The following ANGPT2 variants were observed in gnomAD, a reference collection of about 807,000 sequenced individuals.
The protein encoded by ANGPT2 is angiopoietin 2.
A neutral mutation model predicts 62.9 loss-of-function variants in ANGPT2; 28 were observed. The ratio of observed to expected loss-of-function variants is 0.44; its 90% CI spans 0.33 to 0.61. ANGPT2 has a LOEUF of 0.61. ANGPT2 is among the 20% of genes least tolerant of loss of function. ANGPT2 has a pLI of 0.03. For synonymous variants in ANGPT2, 284 were observed against 207.8 expected, an observed-to-expected ratio of 1.37 and a Z score of -3.15; for missense variants, 727 against 594.9, an observed-to-expected ratio of 1.22 and a Z score of -2.31.
In ANGPT2 at chr8:6,500,395, A is replaced by G. The variant is rs1188426347; in HGVS notation, c.*2706T>C. ...AAGTTCTGGGTTCTAATTTTTTTTAAGATTAAGTAATAATTAAGTGGATAA... is the reference window on the plus strand; with the variant it reads ...AAGTTCTGGGTTCTAATTTTTTTTAGGATTAAGTAATAATTAAGTGGATAA... On this transcript the variant is annotated 3_prime_UTR_variant, in exon 9 of 9. Coordinates refer to ENST00000629816, the MANE Select transcript of ANGPT2 (RefSeq NM_001118887.2). The G allele has an allele frequency of 2.5e-5, 4 of 157,980 alleles. No homozygotes were observed. Among genetic ancestry groups the G allele is most frequent in the Non-Finnish European group, 5.6e-5 (4 of 71,436 alleles). The allele number at this position is 157,980 out of a possible 1,614,324, so 9.8% of individuals were successfully genotyped here. A position where few individuals can be genotyped will look rare whatever the true frequency, so the allele number is the denominator to read the frequency against.
At chr8:6,505,824 T>C (rs2129564633) in intron 8 of ANGPT2, among the ~76,000 whole-genome samples, 1 of 140,350 alleles carries the variant, frequency 7.1e-6, no homozygotes, top group Admixed American at 7.3e-5. Context: ...TATATGTATA[T>C]ATAAAAACAT....
chr8:6,543,977 A>G (rs1192160692), intron 1 of ANGPT2, among the ~76,000 whole-genome samples: 3 of 152,214 alleles, frequency 2.0e-5, no homozygotes, highest in Non-Finnish European at 2.9e-5. Context: ...GTTGCAATAT[A>G]TTTTAAGCAT....
At chr8:6,553,661 C>CA (rs1281801045) in intron 1 of ANGPT2, among the ~76,000 whole-genome samples, 2 of 144,864 alleles carry the variant, frequency 1.4e-5, no homozygotes, top group African/African-American at 5.7e-5. Flanking sequence ...GAAATGGTCT[C>CA]AAAATTTTTT....
intron 3 of ANGPT2, among the ~76,000 whole-genome samples, chr8:6,522,923 C>G (rs985658470): frequency 1.3e-5 from 2 of 152,122 alleles, no homozygotes; most frequent in African/African-American, 4.8e-5. Context: ...CATTCCTTCT[C>G]TAAAAAATCT....
In ANGPT2 at chr8:6,501,239, C is replaced by G. The variant is rs994093921; in HGVS notation, c.*1862G>C. The G allele has an allele frequency of 6.6e-6, 1 of 152,084 alleles. No individual in the cohort carries two copies. Among genetic ancestry groups the G allele is most frequent in the Non-Finnish European group, 1.5e-5 (1 of 68,016 alleles). 9.4% of individuals were successfully genotyped at this position (152,084 alleles called of 1,614,324 possible). ...GTAGCAACACCTGTGTGTTCTAAAA[C>G]TACGTCAAGTGGTGGGGAGAAGTTG... On this transcript the variant is annotated 3_prime_UTR_variant, in exon 9 of 9. Coordinates refer to ENST00000629816, the MANE Select transcript of ANGPT2 (RefSeq NM_001118887.2).
In ANGPT2 at chr8:6,527,654, A is replaced by T. The variant is rs1214452116; in HGVS notation, c.467T>A (p.Leu156His). The stretch of plus-strand genomic sequence containing the variant: ...GGAGTGTTCCAAGAGCTGAAGTTCA[A>T]GTCTCGTGGTCTGATTTAATACCTA... ...EAQVLNQTTR[L>H]ELQLLEHSLS... Residue 156 changes from leucine to histidine, a missense_variant, in exon 3 of 9, where the codon CTT (leucine) becomes CAT (histidine). Transcript: ENST00000629816. 6.2e-7 allele frequency: 1 copy of T among 1,613,896 alleles called. No individual in the cohort carries two copies. The highest frequency in any genetic ancestry group is 1.1e-5 in the South Asian group (1 of 91,074).
chr8:6,536,734 G>A (rs1264272019), intron 1 of ANGPT2, among the ~76,000 whole-genome samples: 12 of 152,094 alleles, frequency 7.9e-5, no homozygotes, highest in Non-Finnish European at 2.9e-5. Flanking sequence ...ACGTATCAAG[G>A]ATAATGAGAA....
chr8:6,505,271 T>TA (rs1460837019), intron 8 of ANGPT2, among the ~76,000 whole-genome samples: 4,571 of 33,594 alleles, frequency 0.14, 899 homozygotes, highest in East Asian at 0.35. Context: ...TTTATATATA[T>TA]GTATACATAT....
intron 4 of ANGPT2, among the ~76,000 whole-genome samples, chr8:6,520,783 C>G (rs776311590): frequency 7.2e-5 from 11 of 152,204 alleles, no homozygotes; most frequent in Non-Finnish European, 7.3e-5. Flanking sequence ...GATAAGGGAA[C>G]TAGCATCTCT....
Position 6,541,621 on chromosome 8 carries a change from C to G in ANGPT2, c.289-9134G>C, listed in dbSNP as rs553543556. Among the ~76,000 whole-genome samples the G allele has an allele frequency of 5.9e-5, 9 of 152,264 alleles. No individual in the cohort carries two copies. In the East Asian group the frequency reaches 1.7e-3, roughly 29 times the overall value. On this transcript the variant is annotated intron_variant, in intron 1 of 8. Coordinates refer to ENST00000629816, the MANE Select transcript of ANGPT2 (RefSeq NM_001118887.2). ...TGCCATTCGTCTATTTTTTGGGATA[C>G]TTTGTTAAATTCTCAGCTTAGAAGA...
At chr8:6,533,260 G>T (rs1177777867) in intron 1 of ANGPT2, among the ~76,000 whole-genome samples, 5 of 152,214 alleles carry the variant, frequency 3.3e-5, no homozygotes, top group African/African-American at 1.2e-4. Flanking sequence ...TGAAACACAA[G>T]AGAAGGAAGA....
intron 7 of ANGPT2, among the ~76,000 whole-genome samples, chr8:6,509,462 G>A (rs1039027582): frequency 3.9e-5 from 6 of 152,276 alleles, no homozygotes; most frequent in East Asian, 1.9e-4. Flanking sequence ...ATTATTTTCC[G>A]CAGGGGGCCC....
chr8:6,548,503 C>T (rs1326691684), intron 1 of ANGPT2, among the ~76,000 whole-genome samples: 1 of 152,174 alleles, frequency 6.6e-6, no homozygotes, highest in Non-Finnish European at 1.5e-5. Flanking sequence ...TTCATTGCAG[C>T]TTACTTGCAT....
At chr8:6,505,210 TATATATATATATTCTTATGTATATATAGA>T (rs1217418434) in intron 8 of ANGPT2, among the ~76,000 whole-genome samples, 1 of 59,038 alleles carries the variant, frequency 1.7e-5, no homozygotes, top group East Asian at 1.1e-3. Flanking sequence ...ATATATAGAA[TATATATATATATTCTTATGTATATATAGA>T]ATATATATTC....
At chr8:6,557,718 C>T (rs1325296899) in intron 1 of ANGPT2, among the ~76,000 whole-genome samples, 7 of 150,938 alleles carry the variant, frequency 4.6e-5, no homozygotes, top group Non-Finnish European at 1.0e-4. Flanking sequence ...CACACACATA[C>T]ATATATACAG....
Position 6,513,738 on chromosome 8 carries a change from C to A in ANGPT2, c.1136G>T (p.Gly379Val). ...TTCATACAATGAGTAAGCCTCATTCCCTTCCCAGTCTTTAAGGTGTATTTT... is the reference window on the plus strand; with the variant it reads ...TTCATACAATGAGTAAGCCTCATTCACTTCCCAGTCTTTAAGGTGTATTTT... ...VLKIHLKDWEGNEAYSLYEHF... is the reference protein window; with the variant it reads ...VLKIHLKDWEVNEAYSLYEHF... The change falls in exon 7 of 9, where the codon GGG becomes GTG. Residue 379 changes from glycine to valine, a missense_variant. Physicochemically the swap from Gly to Val is moderately radical, Grantham distance 109. Transcript: ENST00000629816. 2 of 1,613,926 alleles carry A rather than the reference C, an allele frequency of 1.2e-6. No homozygotes were observed. The highest frequency in any genetic ancestry group is 1.3e-5 in the African/African-American group (1 of 75,016).
chr8:6,508,557 A>G (rs1486076647), intron 8 of ANGPT2: 1 of 376,636 alleles, frequency 2.7e-6, no homozygotes, highest in African/African-American at 2.1e-5. Flanking sequence ...TATAATCTAT[A>G]TTACTGTTGT....
At chr8:6,547,124 T>A (rs2129574548) in intron 1 of ANGPT2, among the ~76,000 whole-genome samples, 1 of 151,622 alleles carries the variant, frequency 6.6e-6, no homozygotes, top group Middle Eastern at 3.4e-3. Flanking sequence ...AAAACTCATG[T>A]GGCCTATTTC....
At chr8:6,559,126 T>C (rs1825108476) in intron 1 of ANGPT2, among the ~76,000 whole-genome samples, 1 of 152,076 alleles carries the variant, frequency 6.6e-6, no homozygotes, top group African/African-American at 2.4e-5. Context: ...CCAGTGGCTG[T>C]GAATGGGATG....
Sources: allele counts gnomAD v4.1 joint callset (sites outside exome capture counted in the v4.1 genomes callset), GRCh38; gene constraint gnomAD v4.1.1; transcripts MANE v1.5; gene names NCBI Gene and HGNC (gene_info 2026-07-23, HGNC 2026-07-21).